Variants in ATM observed in about 807,000 individuals in gnomAD.
ATM encodes the protein serine-protein kinase ATM.
A neutral mutation model predicts 387.0 loss-of-function variants in ATM; 308 were observed. The ratio of observed to expected loss-of-function variants is 0.80; its 90% CI spans 0.73 to 0.87. ATM has a LOEUF of 0.87. Ranked by LOEUF, ATM falls within the 40% of genes least tolerant of loss-of-function variation. The pLI, the probability that ATM is intolerant of heterozygous loss-of-function variation, is 0.00. For missense variants in ATM, 3,312 were observed against 3,560.9 expected (o/e 0.93, Z 1.78); for synonymous variants, 1,156 against 1,187.3 (o/e 0.97, Z 0.54).
intron 59 of ATM, among the ~76,000 whole-genome samples, chr11:108,353,183 T>C (rs2089420115): frequency 6.6e-6 from 1 of 152,086 alleles, no homozygotes; most frequent in Non-Finnish European, 1.5e-5. Context: ...AGTTTCACTC[T>C]TGTCGCCCAG....
intron 5 of ATM, 88 bp downstream of exon 5, chr11:108,235,922 C>G (rs1250995803): frequency 3.5e-6 from 5 of 1,443,996 alleles, no homozygotes; most frequent in Non-Finnish European, 4.9e-6. Flanking sequence ...CTGTCTATAT[C>G]CCCCAAGTGA....
intron 22 of ATM, among the ~76,000 whole-genome samples, chr11:108,273,321 T>G (rs2081717568): frequency 6.8e-6 from 1 of 148,134 alleles, no homozygotes; most frequent in African/African-American, 2.5e-5. Context: ...AAACATATAT[T>G]AATTTCATTC....
chr11:108,304,722 T>C lies in ATM; in HGVS notation c.5544T>C (p.Asp1848=), dbSNP rs146568734. Residue 1848 remains aspartate (D), a synonymous_variant, in exon 37 of 63, where the codon GAT becomes GAC. Transcript: ENST00000675843. Reference sequence around the variant, plus strand: ...CTGTACTTCCATACTTGATTCATGATATTTTACTCCAAGATACAAATGAAT... The same window carrying C: ...CTGTACTTCCATACTTGATTCATGACATTTTACTCCAAGATACAAATGAAT... The part of the protein sequence containing the change: ...CQTVLPYLIH[D]ILLQDTNESW... 6.2e-7 allele frequency: 1 copy of C among 1,613,962 alleles called. No homozygotes were observed. Among genetic ancestry groups the C allele is most frequent in the African/African-American group, 1.3e-5 (1 of 74,926 alleles).
At chr11:108,223,310 C>T (rs1458880139) in intron 1 of ATM, 124 bp downstream of exon 1, 4 of 153,318 alleles carry the variant, frequency 2.6e-5, no homozygotes, top group South Asian at 2.0e-4. Flanking sequence ...TGACTCCTCC[C>T]TCTCCTCACT....
intron 10 of ATM, 106 bp from the exon 11 acceptor site, chr11:108,251,731 A>T (rs1279738899): frequency 2.7e-6 from 3 of 1,105,144 alleles, no homozygotes; most frequent in Non-Finnish European, 4.1e-6. Context: ...TTTTATGTTC[A>T]TTTAGTCACC....
At chr11:108,349,016 T>C (rs1475288300) in intron 59 of ATM, among the ~76,000 whole-genome samples, 1 of 152,140 alleles carries the variant, frequency 6.6e-6, no homozygotes, top group African/African-American at 2.4e-5. Flanking sequence ...TAGATTTCAG[T>C]TGAAGTCACT....
At chr11:108,257,964 T>C (rs75055462) in intron 15 of ATM, among the ~76,000 whole-genome samples, 5 of 152,110 alleles carry the variant, frequency 3.3e-5, no homozygotes, top group Admixed American at 2.0e-4. Context: ...CTCGACCTCC[T>C]GGGCTCACAG....
chr11:108,257,504 A>G lies in ATM; in HGVS notation c.2274A>G (p.Glu758=), dbSNP rs1591546306. Residue 758 remains glutamate (E), a synonymous_variant, in exon 15 of 63, where the codon GAA becomes GAG. Coordinates refer to ENST00000675843, the MANE Select transcript of ATM (RefSeq NM_000051.4). ...AGTCTCTAATGCAATGTGCAGGAGAAAGTATCACTCTGTTTAAAAATAAGA... is the reference window on the plus strand; with the variant it reads ...AGTCTCTAATGCAATGTGCAGGAGAGAGTATCACTCTGTTTAAAAATAAGA... ...KAKSLMQCAG[E]SITLFKNKTN... 6.2e-7 allele frequency: 1 copy of G among 1,613,672 alleles called. No homozygotes were observed. Among genetic ancestry groups the G allele is most frequent in the Non-Finnish European group, 8.5e-7 (1 of 1,179,870 alleles).
At chr11:108,256,083 G>T in intron 13 of ATM, 132 bp from the exon 14 acceptor site, 1 of 768,214 alleles carries the variant, frequency 1.3e-6, no homozygotes, top group Non-Finnish European at 1.9e-6. Context: ...AGCTATCCAG[G>T]ATATGCCACC....
At chr11:108,267,395 G>T in intron 17 of ATM, 53 bp downstream of exon 17, 1 of 1,552,218 alleles carries the variant, frequency 6.4e-7, no homozygotes, top group East Asian at 2.2e-5. Context: ...TATTGATTTG[G>T]CAGTATAAGA....
Position 108,272,826 on chromosome 11 carries a change from C to T in ATM, c.3258C>T (p.Arg1086=), listed in dbSNP as rs773277362. The change falls in exon 22 of 63, where the codon CGC becomes CGT. Residue 1086 remains arginine, a synonymous_variant. Coordinates refer to ENST00000675843, the MANE Select transcript of ATM (RefSeq NM_000051.4). ...TTGCTGACAATCATCACCAAGTTCG[C>T]ATGTTGGCTGCAGAGTCAATCAATA... ...QFLADNHHQV[R]MLAAESINRL... is the part of the protein sequence containing the mutation. 2 of 1,614,024 alleles carry T rather than the reference C, an allele frequency of 1.2e-6. No homozygotes were observed. Among genetic ancestry groups the T allele is most frequent in the Non-Finnish European group, 1.7e-6 (2 of 1,179,986 alleles).
chr11:108,294,682 G>GAA (rs2083020676), intron 31 of ATM, among the ~76,000 whole-genome samples: 1 of 152,224 alleles, frequency 6.6e-6, no homozygotes, highest in Non-Finnish European at 1.5e-5. Context: ...GGAGGTAGCA[G>GAA]TGAGCCTTGA....
At position 108,228,009 on chromosome 11, in the gene ATM, C is replaced by G. The variant is rs4987898; in HGVS notation, c.185+121C>G. The G allele has an allele frequency of 8.7e-5, 69 of 797,062 alleles. 2 individuals are homozygous for G. In the Admixed American group the frequency reaches 1.8e-3, roughly 21 times the overall value. 49.4% of individuals were successfully genotyped at this position (797,062 alleles called of 1,614,324 possible). A position where few individuals can be genotyped will look rare whatever the true frequency, so the allele number is the denominator to read the frequency against. On this transcript the variant is annotated intron_variant, in intron 3 of 62. Transcript: ENST00000675843. Reference sequence around the variant, plus strand: ...CTTTGCTTCCTATATATCATTATGCCTTGCATATGAATTTGGCATTTAATA... The same window carrying G: ...CTTTGCTTCCTATATATCATTATGCGTTGCATATGAATTTGGCATTTAATA...
At chr11:108,277,439 AGTGTC>A (rs1460614510) in intron 22 of ATM, among the ~76,000 whole-genome samples, 1 of 152,146 alleles carries the variant, frequency 6.6e-6, no homozygotes, top group Non-Finnish European at 1.5e-5. Flanking sequence ...CAGCTAGCTC[AGTGTC>A]TGCCCAAATG....
chr11:108,274,522 C>T (rs4753835), intron 22 of ATM, among the ~76,000 whole-genome samples: 16,212 of 152,166 alleles, frequency 0.11, 1,213 homozygotes, highest in Non-Finnish European at 0.14. Flanking sequence ...ATAAATTTCC[C>T]TCTAAACACT....
chr11:108,302,454 G>T (rs1310134112), intron 35 of ATM, among the ~76,000 whole-genome samples: 1 of 152,060 alleles, frequency 6.6e-6, no homozygotes, highest in Admixed American at 6.6e-5. Flanking sequence ...AATATAAACT[G>T]TTAATGAAAC....
chr11:108,362,513 G>C (rs1015365158), intron 61 of ATM, among the ~76,000 whole-genome samples: 6 of 149,028 alleles, frequency 4.0e-5, no homozygotes, highest in Non-Finnish European at 9.0e-5. Context: ...TGTTTATTGC[G>C]GCATTATTCA....
chr11:108,250,528 A>G (rs948311413), intron 9 of ATM, among the ~76,000 whole-genome samples, 173 bp from the exon 10 acceptor site: 1 of 152,206 alleles, frequency 6.6e-6, no homozygotes, highest in African/African-American at 2.4e-5. Flanking sequence ...TTTCCTGCCA[A>G]TTTAGGAAGT....
At chr11:108,230,556 A>G (rs540194859) in intron 4 of ATM, 65 of 152,316 alleles carry the variant, frequency 4.3e-4, no homozygotes, top group African/African-American at 1.6e-3. Flanking sequence ...CCTCATCTCT[A>G]AAGTTCATAA....
Sources: gnomAD v4.1 joint callset for allele counts (sites outside exome capture counted in the v4.1 genomes callset) on GRCh38, gnomAD v4.1.1 for gene constraint, MANE v1.5 for transcripts, NCBI Gene and HGNC (gene_info 2026-07-23, HGNC 2026-07-21) for gene names.